Variants in UBAC2 observed in about 807,000 individuals in gnomAD.
UBAC2 encodes ubiquitin-associated domain-containing protein 2.
Under a neutral mutation model 44.0 loss-of-function variants are expected in UBAC2, and 26 were observed. That is an observed-to-expected ratio of 0.59 (90% CI 0.43 to 0.82). The LOEUF is 0.82. UBAC2 is among the 40% of genes least tolerant of loss of function. The probability of loss-of-function intolerance (pLI) is 0.00; values close to 1 mark genes in which losing one functional copy is unlikely to be tolerated. For missense variants in UBAC2, 329 were observed against 419.4 expected (o/e 0.78, Z 1.88); for synonymous variants, 155 against 154.3 (o/e 1.00, Z -0.04).
rs765206228 is a variant in UBAC2, at chr13:99,367,875, C to T, written c.896C>T (p.Ala299Val). The change falls in exon 8 of 9, where the codon GCA becomes GTA. Residue 299 changes from alanine (A) to valine (V), a missense_variant. By Grantham distance (64) the Ala-to-Val change is moderately conservative. Transcript: ENST00000403766. ...CAGGGCGGTCGGCAGTCTGAGCCAG[C>T]AGCGCCCCCTCTAGAAGTTTCTGAG... ...NYQGGRQSEP[A>V]APPLEVSEEQ... 3.7e-6 allele frequency: 6 copies of T among 1,613,944 alleles called. No homozygotes were observed. In the Admixed American group the frequency reaches 5.0e-5, roughly 13 times the overall value.
At chr13:99,353,461 T>C (rs1206358429) in intron 7 of UBAC2, among the ~76,000 whole-genome samples, 1 of 152,242 alleles carries the variant, frequency 6.6e-6, no homozygotes, top group Non-Finnish European at 1.5e-5. Flanking sequence ...TTTTCCATCC[T>C]GCCTTGGTGT....
intron 8 of UBAC2, among the ~76,000 whole-genome samples, chr13:99,369,059 T>C (rs1231049297): frequency 2.6e-5 from 4 of 152,136 alleles, no homozygotes; most frequent in Admixed American, 2.6e-4. Context: ...TGCATTATAA[T>C]AGTAGATAAA....
chr13:99,299,022 G>GA (rs1198325541), intron 4 of UBAC2, among the ~76,000 whole-genome samples: 1 of 151,864 alleles, frequency 6.6e-6, no homozygotes, highest in Non-Finnish European at 1.5e-5. Context: ...TACATGGCAG[G>GA]AAAAAAATAC....
intron 1 of UBAC2, among the ~76,000 whole-genome samples, chr13:99,232,393 T>G: frequency 7.5e-6 from 1 of 133,970 alleles, no homozygotes; most frequent in Non-Finnish European, 1.7e-5. Context: ...CCATCCTTAG[T>G]TGAGAGATAT....
intron 1 of UBAC2, among the ~76,000 whole-genome samples, chr13:99,227,220 A>G (rs1285667046): frequency 1.3e-5 from 2 of 151,994 alleles, no homozygotes; most frequent in Non-Finnish European, 2.9e-5. Context: ...AACAACAAAA[A>G]AAGACGGCAC....
chr13:99,201,232 C>T (rs2042792919), intron 1 of UBAC2: 3 of 1,434,106 alleles, frequency 2.1e-6, no homozygotes, highest in South Asian at 3.1e-5. Context: ...GGGCAGGTGC[C>T]CTGGTGTTCT....
At chr13:99,268,611 CAA>C (rs756827927) in intron 4 of UBAC2, among the ~76,000 whole-genome samples, 7 of 75,712 alleles carry the variant, frequency 9.2e-5, no homozygotes, top group African/African-American at 1.9e-4. Flanking sequence ...GACTCTGTCT[CAA>C]AAAAAAAAAA....
intron 1 of UBAC2, among the ~76,000 whole-genome samples, chr13:99,203,963 C>T (rs1243552910): frequency 6.6e-6 from 1 of 152,114 alleles, no homozygotes; most frequent in Non-Finnish European, 1.5e-5. Flanking sequence ...CAATTATGAC[C>T]GGGTAAAAGT....
intron 6 of UBAC2, among the ~76,000 whole-genome samples, chr13:99,325,287 TAG>T (rs1390196938): frequency 2.0e-5 from 3 of 152,006 alleles, no homozygotes; most frequent in Admixed American, 2.0e-4. Flanking sequence ...GTGTTTTTTG[TAG>T]AGACGGGGTT....
chr13:99,380,235 G>C (rs1337254817), intron 8 of UBAC2, among the ~76,000 whole-genome samples: 1 of 152,138 alleles, frequency 6.6e-6, no homozygotes, highest in South Asian at 2.1e-4. Context: ...AATGCTTAAC[G>C]TGTGTTTTGC....
At chr13:99,323,510 G>A (rs541035716) in intron 6 of UBAC2, among the ~76,000 whole-genome samples, 48 of 152,314 alleles carry the variant, frequency 3.2e-4, no homozygotes, top group Non-Finnish European at 5.3e-4. Flanking sequence ...ACTTGTGAAA[G>A]GACCACATGT....
intron 7 of UBAC2, among the ~76,000 whole-genome samples, chr13:99,358,921 C>T (rs975086134): frequency 1.3e-5 from 2 of 152,178 alleles, no homozygotes; most frequent in African/African-American, 2.4e-5. Context: ...CAGTGGGTTA[C>T]ATGGCTCTGA....
chr13:99,223,542 G>GTTTTTTTTTTTTTTT (rs145143990), intron 1 of UBAC2, among the ~76,000 whole-genome samples: 7 of 62,446 alleles, frequency 1.1e-4, no homozygotes, highest in African/African-American at 1.6e-4. Context: ...CTCTTTTTCT[G>GTTTTTTTTTTTTTTT]TTTTTTTTTT....
intron 4 of UBAC2, among the ~76,000 whole-genome samples, chr13:99,287,646 T>TTC (rs2044036958): frequency 9.8e-6 from 1 of 102,040 alleles, no homozygotes; most frequent in Non-Finnish European, 2.0e-5. Flanking sequence ...TTTCTTTCTT[T>TTC]TTTTTTTTTT....
rs1452571193 is a variant in UBAC2 at position 99,340,380 on chromosome 13, A to G, written c.622A>G (p.Ser208Gly). The change falls in exon 7 of 9, where the codon AGC becomes GGC. Residue 208 changes from serine (S) to glycine (G), a missense_variant. Physicochemically the swap from Ser to Gly is moderately conservative, Grantham distance 56 (BLOSUM62 0). Coordinates refer to ENST00000403766, the MANE Select transcript of UBAC2 (RefSeq NM_001144072.2). The part of the protein sequence containing the change: ...FQVHQVLCIP[S>G]WMAKFFSWTL... ...GGTGCATCAGGTGCTCTGCATCCCC[A>G]GCTGGATGGCAAAATTCTTTTCTTG... The G allele has an allele frequency of 6.2e-7, 1 of 1,614,236 alleles. No individual in the cohort carries two copies. The highest frequency in any genetic ancestry group is 1.1e-5 in the South Asian group (1 of 91,092).
intron 6 of UBAC2, among the ~76,000 whole-genome samples, chr13:99,328,533 C>T (rs376645960): frequency 5.3e-5 from 8 of 152,296 alleles, no homozygotes; most frequent in East Asian, 1.9e-4. Flanking sequence ...TAGCTTTAGC[C>T]GCTCTATTGG....
intron 1 of UBAC2, among the ~76,000 whole-genome samples, chr13:99,237,712 T>C (rs2043255031): frequency 6.6e-6 from 1 of 152,202 alleles, no homozygotes; most frequent in African/African-American, 2.4e-5. Flanking sequence ...CCCAGCACTT[T>C]GGGAGGCCAA....
chr13:99,336,498 C>T (rs12877831), intron 6 of UBAC2, among the ~76,000 whole-genome samples: 46,415 of 152,062 alleles, frequency 0.31, 7,309 homozygotes, highest in Middle Eastern at 0.35. Flanking sequence ...TGCAAGTTTA[C>T]GTTTGGTGTC....
chr13:99,201,086 C>A (rs369102336), intron 1 of UBAC2, 147 bp downstream of exon 1: 1 of 1,339,178 alleles, frequency 7.5e-7, no homozygotes, highest in Non-Finnish European at 9.6e-7. Context: ...TGCTAGTTCC[C>A]GGTCTTGGGG....
Sources: allele counts gnomAD v4.1 joint callset (sites outside exome capture counted in the v4.1 genomes callset), GRCh38; gene constraint gnomAD v4.1.1; transcripts MANE v1.5; gene names NCBI Gene and HGNC (gene_info 2026-07-23, HGNC 2026-07-21).